CNNM1: variants seen among roughly 807,000 people sequenced by gnomAD.
CNNM1 encodes metal transporter CNNM1.
A neutral mutation model predicts 78.8 loss-of-function variants in CNNM1; 44 were observed. That is an observed-to-expected ratio of 0.56 (90% CI 0.44 to 0.72). CNNM1 has a LOEUF of 0.72. CNNM1 is among the 30% of genes least tolerant of loss of function. CNNM1 has a pLI of 0.00. For missense variants in CNNM1, 1,101 were observed against 1,292.2 expected (o/e 0.85, Z 2.27); for synonymous variants, 584 against 581.5 (o/e 1.00, Z -0.06).
chr10:99,354,772 A>G (rs912993000), intron 1 of CNNM1, among the ~76,000 whole-genome samples: 3 of 152,152 alleles, frequency 2.0e-5, no homozygotes, highest in Admixed American at 6.5e-5. Flanking sequence ...GTATGCCTGA[A>G]GTATAGAATG....
rs144109726 is a variant in CNNM1, at chr10:99,351,502, C to T, written c.1574-6010C>T. 5.5e-4 allele frequency among the ~76,000 whole-genome samples: 83 copies of T among 152,230 alleles called. 1 individual carries two copies. The highest frequency in any genetic ancestry group is 3.1e-3 in the Admixed American group (48 of 15,286). ...GATGGGAATGCTTGGGATATTTGAG[C>T]GCCCACTGCCCCAGTTGGACCCAGT... On this transcript the variant is annotated intron_variant, in intron 1 of 10. Coordinates refer to ENST00000356713, the MANE Select transcript of CNNM1 (RefSeq NM_020348.3).
chr10:99,393,135 C>T lies in CNNM1; in HGVS notation c.*1619C>T, dbSNP rs951709481. The T allele has an allele frequency of 6.6e-6, 1 of 152,208 alleles. No homozygotes were observed. The highest frequency in any genetic ancestry group is 1.5e-5 in the Non-Finnish European group (1 of 68,050). The allele number at this position is 152,208 out of a possible 1,614,324, so 9.4% of individuals were successfully genotyped here. The stretch of plus-strand genomic sequence containing the variant: ...TCAAGTACTCACTGAACTCATTGAT[C>T]GAGTGCTGTCTGCTAAATCTCCAAA... On this transcript the variant is annotated 3_prime_UTR_variant, in exon 11 of 11. Coordinates refer to ENST00000356713, the MANE Select transcript of CNNM1 (RefSeq NM_020348.3).
intron 1 of CNNM1, among the ~76,000 whole-genome samples, chr10:99,353,403 T>C (rs1429024922): frequency 1.3e-5 from 2 of 152,196 alleles, no homozygotes; most frequent in African/African-American, 4.8e-5. Context: ...AGAGTGTGCA[T>C]AGCAACAGGT....
At chr10:99,342,477 G>A (rs2134021394) in intron 1 of CNNM1, among the ~76,000 whole-genome samples, 1 of 152,232 alleles carries the variant, frequency 6.6e-6, no homozygotes, top group Non-Finnish European at 1.5e-5. Flanking sequence ...AATTTATTTT[G>A]TGATAAAGGT....
At chr10:99,376,280 G>C (rs546561841) in intron 6 of CNNM1, among the ~76,000 whole-genome samples, 27 of 152,172 alleles carry the variant, frequency 1.8e-4, no homozygotes, top group Non-Finnish European at 3.4e-4. Flanking sequence ...CAGGGGTCCA[G>C]AAGCCCTAGG....
rs148154801 is a variant in CNNM1 at position 99,351,425 on chromosome 10, A to C, written c.1574-6087A>C. On this transcript the variant is annotated intron_variant, in intron 1 of 10. Coordinates refer to ENST00000356713, the MANE Select transcript of CNNM1 (RefSeq NM_020348.3). ...GGAAGTAAAGGTAGAAATGGTAAAC[A>C]GGTAGAGAGGAGAAATAATGTGTGT... 7.1e-3 allele frequency among the ~76,000 whole-genome samples: 1,083 copies of C among 152,326 alleles called. 15 individuals carry two copies. Among genetic ancestry groups the C allele is most frequent in the African/African-American group, 0.025 (1,041 of 41,568 alleles).
chr10:99,387,164 C>T (rs545567100), intron 7 of CNNM1, among the ~76,000 whole-genome samples: 1 of 152,308 alleles, frequency 6.6e-6, no homozygotes, highest in African/African-American at 2.4e-5. Context: ...TGCCTGGAAT[C>T]GTGGAGACTC....
At position 99,364,497 on chromosome 10, in the gene CNNM1, C is replaced by A; in HGVS notation, c.2109C>A (p.Ile703=). 6.2e-7 allele frequency: 1 copy of A among 1,611,404 alleles called. No individual in the cohort carries two copies. Among genetic ancestry groups the A allele is most frequent in the Non-Finnish European group, 8.5e-7 (1 of 1,178,802 alleles). ...TTACTTACTATGGCGTCCCAGCCAT[C>A]ATGACCACTGCTTGCTCAGGTATTC... is the stretch of plus-strand genomic sequence containing the variant. ...GAFTYYGVPA[I]MTTACSDNDV... Residue 703 remains isoleucine (I), a synonymous_variant, in exon 5 of 11, where the codon ATC becomes ATA. Transcript: ENST00000356713.
chr10:99,343,265 C>T (rs887143196), intron 1 of CNNM1, among the ~76,000 whole-genome samples: 3 of 151,956 alleles, frequency 2.0e-5, no homozygotes, highest in African/African-American at 4.8e-5. Context: ...GACCGCCCGG[C>T]ATGTCTTTTA....
rs1850572266 is a variant in CNNM1 at position 99,330,113 on chromosome 10, G to A, written c.726G>A (p.Leu242=). Residue 242 remains leucine (L), a synonymous_variant, in exon 1 of 11, where the codon CTG becomes CTA. Transcript: ENST00000356713. ...CCTTGTCGGCCCTGTTCAGCGGCCTGCGCCTGAGCCTGCTGTCGCTGGACC... is the reference window on the plus strand; with the variant it reads ...CCTTGTCGGCCCTGTTCAGCGGCCTACGCCTGAGCCTGCTGTCGCTGGACC... ...LLALSALFSG[L]RLSLLSLDPV... is the part of the protein sequence containing the mutation. The A allele has an allele frequency of 1.3e-6, 2 of 1,550,196 alleles. No individual in the cohort carries two copies. The highest frequency in any genetic ancestry group is 1.7e-6 in the Non-Finnish European group (2 of 1,155,268).
intron 7 of CNNM1, among the ~76,000 whole-genome samples, chr10:99,382,267 T>C (rs186811350): frequency 2.6e-5 from 4 of 152,316 alleles, no homozygotes; most frequent in Middle Eastern, 3.4e-3. Flanking sequence ...TTAATGGTAG[T>C]TAATAAGTTA....
At chr10:99,373,907 C>T (rs906780663) in intron 6 of CNNM1, among the ~76,000 whole-genome samples, 1 of 152,086 alleles carries the variant, frequency 6.6e-6, no homozygotes, top group Non-Finnish European at 1.5e-5. Context: ...AATAATATTT[C>T]ATTGTGTATA....
At chr10:99,371,102 C>T (rs60310556) in intron 6 of CNNM1, among the ~76,000 whole-genome samples, 6,098 of 152,186 alleles carry the variant, frequency 0.04, 140 homozygotes, top group East Asian at 0.098. Context: ...CATTTTATGC[C>T]CCCTAGAGGG....
intron 10 of CNNM1, among the ~76,000 whole-genome samples, chr10:99,390,990 C>T (rs563727867): frequency 6.6e-6 from 1 of 152,366 alleles, no homozygotes; most frequent in East Asian, 1.9e-4. Flanking sequence ...AGGGAGGTTG[C>T]TTCAGAGCTA....
intron 1 of CNNM1, 45 bp from the exon 2 acceptor site, chr10:99,357,467 T>A: frequency 6.3e-7 from 1 of 1,580,528 alleles, no homozygotes; most frequent in South Asian, 1.2e-5. Context: ...AAAAGATCTC[T>A]GAAAATGTCC....
rs969910521 is a variant in CNNM1 at position 99,329,366 on chromosome 10, G to C, written c.-22G>C. ...CTCGCTCGGCTTCCTGCAGTATCAC[G>C]TGCAGCTGCGCTGGGTGCAGGATGG... On this transcript the variant is annotated 5_prime_UTR_variant, in exon 1 of 11. Coordinates refer to ENST00000356713, the MANE Select transcript of CNNM1 (RefSeq NM_020348.3). 10 of 590,806 alleles carry C rather than the reference G, an allele frequency of 1.7e-5. No individual in the cohort carries two copies. The highest frequency in any genetic ancestry group is 2.5e-5 in the Non-Finnish European group (9 of 359,132). 36.6% of individuals were successfully genotyped at this position (590,806 alleles called of 1,614,324 possible). A position where few individuals can be genotyped will look rare whatever the true frequency, so the allele number is the denominator to read the frequency against.
Position 99,329,768 on chromosome 10 carries a change from C to T in CNNM1, c.381C>T (p.Pro127=). The change falls in exon 1 of 11, where the codon CCC becomes CCT. Residue 127 remains proline, a synonymous_variant. Coordinates refer to ENST00000356713, the MANE Select transcript of CNNM1 (RefSeq NM_020348.3). ...CCCCCAGCGCGGTCCCCACTCGCCC[C>T]CCGGGACCGCAGCGCTGCAGGGAGC... ...GVAPSAVPTR[P]PGPQRCREQS... is the part of the protein sequence containing the mutation. 2.0e-6 allele frequency: 3 copies of T among 1,495,686 alleles called. No individual in the cohort carries two copies. The highest frequency in any genetic ancestry group is 2.7e-6 in the Non-Finnish European group (3 of 1,130,694). 92.7% of individuals were successfully genotyped at this position (1,495,686 alleles called of 1,614,324 possible).
chr10:99,364,327 T>C (rs1235620119), intron 4 of CNNM1, 90 bp from the exon 5 acceptor site: 2 of 928,180 alleles, frequency 2.2e-6, no homozygotes, highest in African/African-American at 1.7e-5. Context: ...CCACTTGTTA[T>C]CCAAGCAGAA....
chr10:99,356,542 C>A (rs4919303), intron 1 of CNNM1, among the ~76,000 whole-genome samples: 6,647 of 63,756 alleles, frequency 0.1, 546 homozygotes, highest in African/African-American at 0.2. Flanking sequence ...GAAAGAAAGA[C>A]AGACAGACAG....
Sources: allele counts gnomAD v4.1 joint callset (sites outside exome capture counted in the v4.1 genomes callset), GRCh38; gene constraint gnomAD v4.1.1; transcripts MANE v1.5; gene names NCBI Gene and HGNC (gene_info 2026-07-23, HGNC 2026-07-21).